LSM1: variants seen among roughly 807,000 people sequenced by gnomAD.
LSM1 encodes U6 snRNA-associated Sm-like protein LSm1.
Under a neutral mutation model 18.0 loss-of-function variants are expected in LSM1, and 13 were observed. The ratio of observed to expected loss-of-function variants is 0.72; its 90% CI spans 0.47 to 1.15. The LOEUF (loss-of-function observed/expected upper bound fraction) is 1.15, where lower values mean the gene tolerates loss of function less well. Ranked by LOEUF, LSM1 falls within the 50% of genes most tolerant of loss-of-function variation. LSM1 has a pLI of 0.00. For missense variants in LSM1, 152 were observed against 157.7 expected (o/e 0.96, Z 0.19); for synonymous variants, 46 against 56.0 (o/e 0.82, Z 0.80).
intron 3 of LSM1, among the ~76,000 whole-genome samples, chr8:38,169,577 C>T (rs1476895422): frequency 6.6e-6 from 1 of 152,176 alleles, no homozygotes; most frequent in Non-Finnish European, 1.5e-5. Context: ...ATATATAAAT[C>T]AAGCTTTGTC....
upstream of LSM1, chr8:38,176,666 T>C: frequency 1.6e-6 from 1 of 608,992 alleles, no homozygotes; most frequent in Non-Finnish European, 2.7e-6. Context: ...TTCCTTCGTC[T>C]CCGGGTTCCC....
At chr8:38,173,381 G>A (rs556402508) in intron 1 of LSM1, among the ~76,000 whole-genome samples, 2 of 152,022 alleles carry the variant, frequency 1.3e-5, no homozygotes, top group Non-Finnish European at 2.9e-5. Context: ...GGGGGCGGGG[G>A]GGGAGAAGGA....
intron 2 of LSM1, among the ~76,000 whole-genome samples, chr8:38,170,404 C>T (rs189409975): frequency 1.3e-3 from 198 of 152,236 alleles, no homozygotes; most frequent in African/African-American, 3.9e-3. Context: ...TTGAGTAAGA[C>T]GTACCAGTTA....
At chr8:38,174,241 T>C (rs1398140989) in intron 1 of LSM1, among the ~76,000 whole-genome samples, 2 of 151,668 alleles carry the variant, frequency 1.3e-5, no homozygotes, top group African/African-American at 2.4e-5. Flanking sequence ...TTGAGATGGA[T>C]AGACAGTAAC....
At chr8:38,171,837 T>C (rs1803035249) in intron 2 of LSM1, 128 bp downstream of exon 2, 1 of 693,786 alleles carries the variant, frequency 1.4e-6, no homozygotes. Context: ...ATGTACTCAC[T>C]AAAATCAGTC....
At position 38,163,423 on chromosome 8, in the gene LSM1, G is replaced by C. The variant is rs1354284095; in HGVS notation, c.*247C>G. 1 of 376,456 alleles carries C rather than the reference G, an allele frequency of 2.7e-6. No individual in the cohort carries two copies. Among genetic ancestry groups the C allele is most frequent in the Non-Finnish European group, 4.8e-6 (1 of 209,520 alleles). The allele number at this position is 376,456 out of a possible 1,614,324, so 23.3% of individuals were successfully genotyped here. ...GGGATATGAAGAACAATATAAAGAA[G>C]TAGTTGCTGGTGCCACAGTGATGTG... On this transcript the variant is annotated 3_prime_UTR_variant, in exon 4 of 4. Transcript: ENST00000311351.
chr8:38,171,767 A>C (rs1324425512), intron 2 of LSM1, among the ~76,000 whole-genome samples, 198 bp downstream of exon 2: 1 of 152,236 alleles, frequency 6.6e-6, no homozygotes, highest in African/African-American at 2.4e-5. Flanking sequence ...AGTTTTAGAA[A>C]CGAGCTTGGA....
At chr8:38,169,994 A>AT in intron 2 of LSM1, 77 bp from the exon 3 acceptor site, 1 of 677,422 alleles carries the variant, frequency 1.5e-6, no homozygotes, top group Non-Finnish European at 2.6e-6. Flanking sequence ...ATAATCAGTT[A>AT]TTTTGAAAAG....
intron 3 of LSM1, among the ~76,000 whole-genome samples, chr8:38,167,257 C>T (rs532597044): frequency 1.3e-5 from 2 of 152,356 alleles, no homozygotes; most frequent in Non-Finnish European, 2.9e-5. Context: ...CACAAACACA[C>T]ACATCTACTT....
intron 1 of LSM1, 125 bp from the exon 2 acceptor site, chr8:38,172,158 C>G (rs772253324): frequency 1.5e-6 from 1 of 683,278 alleles, no homozygotes; most frequent in Non-Finnish European, 2.5e-6. Flanking sequence ...AGTTCAAGTT[C>G]ATTGGAAAAC....
intron 3 of LSM1, 136 bp downstream of exon 3, chr8:38,169,666 T>G (rs1802991296): frequency 1.8e-6 from 1 of 559,316 alleles, no homozygotes; most frequent in South Asian, 2.5e-5. Flanking sequence ...GTAGCTTCCC[T>G]AAATTAATTT....
At chr8:38,171,705 TGAG>T (rs1772100420) in intron 2 of LSM1, among the ~76,000 whole-genome samples, 1 of 152,184 alleles carries the variant, frequency 6.6e-6, no homozygotes, top group South Asian at 2.1e-4. Flanking sequence ...TTCGGTGGAC[TGAG>T]TTTATTTCTA....
chr8:38,174,955 T>TGGA (rs1488499949), intron 1 of LSM1, among the ~76,000 whole-genome samples: 1 of 122,680 alleles, frequency 8.2e-6, no homozygotes, highest in African/African-American at 3.2e-5. Flanking sequence ...ACCCGGGAGG[T>TGGA]GGAGGTTCCA....
chr8:38,165,329 G>GGT (rs1432872095), intron 3 of LSM1, among the ~76,000 whole-genome samples: 1 of 151,714 alleles, frequency 6.6e-6, no homozygotes, highest in Non-Finnish European at 1.5e-5. Flanking sequence ...CTCTAGCCTG[G>GGT]GTGACAAGAG....
intron 1 of LSM1, among the ~76,000 whole-genome samples, chr8:38,172,991 G>A (rs531785106): frequency 9.1e-4 from 139 of 152,260 alleles, no homozygotes; most frequent in Admixed American, 3.4e-3. Context: ...TTGTGATTAG[G>A]ACAATGGAAT....
intron 3 of LSM1, among the ~76,000 whole-genome samples, chr8:38,167,764 C>T (rs987648605): frequency 1.3e-5 from 2 of 152,048 alleles, no homozygotes; most frequent in African/African-American, 4.8e-5. Flanking sequence ...TATATACTGG[C>T]AGTATCAAGC....
chr8:38,167,957 C>A (rs1031917249), intron 3 of LSM1, among the ~76,000 whole-genome samples: 56 of 151,402 alleles, frequency 3.7e-4, no homozygotes, highest in African/African-American at 1.3e-3. Flanking sequence ...GTACTAGGTG[C>A]TTTCAGACTT....
chr8:38,165,433 T>C (rs1243280571), intron 3 of LSM1, among the ~76,000 whole-genome samples: 5 of 151,582 alleles, frequency 3.3e-5, no homozygotes, highest in African/African-American at 9.7e-5. Context: ...ATATGGAAAA[T>C]AGACAAACAA....
chr8:38,175,887 A>G, intron 1 of LSM1: 1 of 178,872 alleles, frequency 5.6e-6, no homozygotes, highest in Non-Finnish European at 1.2e-5. Flanking sequence ...CTCTCTAGGT[A>G]TTCCGATCCA....
Sources: gnomAD v4.1 joint callset for allele counts (sites outside exome capture counted in the v4.1 genomes callset) on GRCh38, gnomAD v4.1.1 for gene constraint, MANE v1.5 for transcripts, NCBI Gene and HGNC (gene_info 2026-07-23, HGNC 2026-07-21) for gene names.